Variants in CNTNAP2 observed in about 807,000 individuals in gnomAD.
CNTNAP2 encodes contactin-associated protein-like 2.
In CNTNAP2, 98 loss-of-function variants were observed where a neutral mutation model predicts 155.2. That is an observed-to-expected ratio of 0.63 (90% CI 0.54 to 0.75). The LOEUF (loss-of-function observed/expected upper bound fraction) is 0.75, where lower values mean the gene tolerates loss of function less well. Among genes scored for constraint, CNTNAP2 ranks in the 30% least tolerant of loss-of-function variants. The pLI is 0.00. For missense variants in CNTNAP2, 1,727 were observed against 1,688.1 expected (o/e 1.02, Z -0.40); for synonymous variants, 651 against 631.2 (o/e 1.03, Z -0.47).
At chr7:146,650,574 G>A (rs541515938) in intron 1 of CNTNAP2, among the ~76,000 whole-genome samples, 15 of 152,154 alleles carry the variant, frequency 9.9e-5, no homozygotes, top group Non-Finnish European at 1.9e-4. Context: ...ATAGCATTAG[G>A]AGAAATACCT....
chr7:147,801,068 G>A (rs751959445), intron 13 of CNTNAP2, among the ~76,000 whole-genome samples: 2 of 152,170 alleles, frequency 1.3e-5, no homozygotes, highest in African/African-American at 2.4e-5. Flanking sequence ...GTGACAAAGT[G>A]ACTCTACTGG....
intron 13 of CNTNAP2, among the ~76,000 whole-genome samples, chr7:147,738,122 T>A (rs117873814): frequency 1.0e-3 from 152 of 152,274 alleles, no homozygotes; most frequent in Non-Finnish European, 1.9e-3. Context: ...CGCTGGGAGC[T>A]GTAGACTGGA....
Position 146,911,359 on chromosome 7 carries a change from A to G in CNTNAP2, c.402+71455A>G, listed in dbSNP as rs151208716. Reference sequence around the variant, plus strand: ...CTGCTATAAAGACACATGCACACGTATGTTTATCGCGGCATTATTCACAAC... The same window carrying G: ...CTGCTATAAAGACACATGCACACGTGTGTTTATCGCGGCATTATTCACAAC... On this transcript the variant is annotated intron_variant, in intron 3 of 23. Transcript: ENST00000361727. 4.6e-3 allele frequency among the ~76,000 whole-genome samples: 693 copies of G among 152,230 alleles called. 5 individuals are homozygous for G. The highest frequency in any genetic ancestry group is 0.016 in the African/African-American group (664 of 41,530).
intron 22 of CNTNAP2, among the ~76,000 whole-genome samples, chr7:148,396,019 C>CA (rs1799459749): frequency 6.6e-6 from 1 of 152,154 alleles, no homozygotes; most frequent in Non-Finnish European, 1.5e-5. Context: ...CTCCGACCCC[C>CA]ACCCCACCTG....
At chr7:146,883,116 T>G (rs1208879730) in intron 3 of CNTNAP2, among the ~76,000 whole-genome samples, 4 of 152,206 alleles carry the variant, frequency 2.6e-5, no homozygotes, top group Admixed American at 6.5e-5. Flanking sequence ...AAATTTGTTT[T>G]ATGTAGTTGT....
intron 1 of CNTNAP2, among the ~76,000 whole-genome samples, chr7:146,388,440 A>G (rs1407920645): frequency 6.6e-6 from 1 of 152,132 alleles, no homozygotes; most frequent in Non-Finnish European, 1.5e-5. Flanking sequence ...ATCTTTAAAA[A>G]AATAATATTT....
At chr7:146,343,842 A>G (rs73162157) in intron 1 of CNTNAP2, among the ~76,000 whole-genome samples, 1 of 151,956 alleles carries the variant, frequency 6.6e-6, no homozygotes, top group Non-Finnish European at 1.5e-5. Flanking sequence ...TCTATATATA[A>G]TTGGTAAATG....
intron 9 of CNTNAP2, among the ~76,000 whole-genome samples, chr7:147,337,940 T>G (rs541265730): frequency 6.6e-6 from 1 of 152,320 alleles, no homozygotes; most frequent in African/African-American, 2.4e-5. Context: ...GAACTGACCT[T>G]GACCTTGACA....
At chr7:146,722,211 C>T (rs183841507) in intron 1 of CNTNAP2, among the ~76,000 whole-genome samples, 65 of 151,682 alleles carry the variant, frequency 4.3e-4, no homozygotes, top group Admixed American at 3.3e-3. Flanking sequence ...ACATATTAAA[C>T]GATAAGGTGC....
At chr7:147,615,117 A>T (rs1801256481) in intron 12 of CNTNAP2, among the ~76,000 whole-genome samples, 1 of 149,668 alleles carries the variant, frequency 6.7e-6, no homozygotes, top group South Asian at 2.1e-4. Flanking sequence ...AAAAGAAAAA[A>T]GCCTGATTTA....
intron 15 of CNTNAP2, among the ~76,000 whole-genome samples, chr7:148,017,709 T>C (rs1223616298): frequency 6.6e-6 from 1 of 152,248 alleles, no homozygotes; most frequent in Non-Finnish European, 1.5e-5. Context: ...GATCTTCCGC[T>C]ATGGAGATTA....
At chr7:147,358,121 C>G (rs1796092960) in intron 9 of CNTNAP2, among the ~76,000 whole-genome samples, 1 of 152,082 alleles carries the variant, frequency 6.6e-6, no homozygotes, top group African/African-American at 2.4e-5. Context: ...GTAAATGTAA[C>G]TTGAATGATA....
intron 14 of CNTNAP2, among the ~76,000 whole-genome samples, chr7:147,942,962 G>A (rs1489094907): frequency 1.3e-5 from 2 of 151,972 alleles, no homozygotes; most frequent in South Asian, 2.1e-4. Context: ...GCATGAACCC[G>A]GGAGGCGGAG....
intron 15 of CNTNAP2, among the ~76,000 whole-genome samples, chr7:148,106,674 C>T (rs1804231118): frequency 1.3e-5 from 2 of 152,010 alleles, no homozygotes; most frequent in African/African-American, 2.4e-5. Context: ...TAGTCTACTC[C>T]TTAACCTACA....
chr7:146,899,838 T>C (rs1003063051), intron 3 of CNTNAP2, among the ~76,000 whole-genome samples: 30 of 152,310 alleles, frequency 2.0e-4, no homozygotes, highest in African/African-American at 7.2e-4. Context: ...CTTAGCAAAC[T>C]GCTCTATGTG....
In CNTNAP2 at chr7:146,426,185, C is replaced by CAAAAAAAAAAAAA. The variant is rs57484419; in HGVS notation, c.97+309225_97+309237dup. ...TGGGCTACAGAGTGAGACTTCGCCT[C>CAAAAAAAAAAAAA]AAAAAAAAAAAAAAAAAAAAAAAAA... On this transcript the variant is annotated intron_variant, in intron 1 of 23. Transcript: ENST00000361727. Among the ~76,000 whole-genome samples, 96 of 54,616 alleles carry CAAAAAAAAAAAAA rather than the reference C, an allele frequency of 1.8e-3. 8 individuals are homozygous for CAAAAAAAAAAAAA. Among genetic ancestry groups the CAAAAAAAAAAAAA allele is most frequent in the African/African-American group, 6.7e-3 (90 of 13,448 alleles). 35.8% of individuals were successfully genotyped at this position (54,616 alleles called of 152,430 possible). A position where few individuals can be genotyped will look rare whatever the true frequency, so the allele number is the denominator to read the frequency against.
intron 15 of CNTNAP2, among the ~76,000 whole-genome samples, chr7:147,979,352 G>C (rs557605611): frequency 1.3e-5 from 2 of 152,280 alleles, no homozygotes; most frequent in South Asian, 4.2e-4. Flanking sequence ...TAAAGCAATA[G>C]TATATATGCA....
At chr7:146,180,758 G>T (rs750567728) in intron 1 of CNTNAP2, among the ~76,000 whole-genome samples, 10 of 152,122 alleles carry the variant, frequency 6.6e-5, no homozygotes, top group Non-Finnish European at 1.2e-4. Context: ...AGTCTTTGAA[G>T]TTGTATATCA....
chr7:148,413,401 A>AAAAAAAAAAAATATATATAT (rs1442990213), intron 23 of CNTNAP2, among the ~76,000 whole-genome samples: 1 of 45,366 alleles, frequency 2.2e-5, no homozygotes, highest in African/African-American at 1.3e-4. Flanking sequence ...TCAAAAAAAA[A>AAAAAAAAAAAATATATATAT]ATATATATAT....
Sources: gnomAD v4.1 joint callset for allele counts (sites outside exome capture counted in the v4.1 genomes callset) on GRCh38, gnomAD v4.1.1 for gene constraint, MANE v1.5 for transcripts, NCBI Gene and HGNC (gene_info 2026-07-23, HGNC 2026-07-21) for gene names.